Variants in KCNIP1 observed in about 807,000 individuals in gnomAD.
The protein encoded by KCNIP1 is potassium voltage-gated channel interacting protein 1, also known as A-type potassium channel modulatory protein KCNIP1.
In KCNIP1, 18 loss-of-function variants were observed where a neutral mutation model predicts 33.0. That is an observed-to-expected ratio of 0.55 (90% CI 0.38 to 0.81). The LOEUF is 0.81. Ranked by LOEUF, KCNIP1 falls within the 30% of genes least tolerant of loss-of-function variation. The pLI, the probability that KCNIP1 is intolerant of heterozygous loss-of-function variation, is 0.00. For synonymous variants in KCNIP1, 93 were observed against 98.3 expected, an observed-to-expected ratio of 0.95 and a Z score of 0.32; for missense variants, 238 against 271.6, an observed-to-expected ratio of 0.88 and a Z score of 0.87.
At chr5:170,687,535 C>T (rs925850741) in intron 1 of KCNIP1, among the ~76,000 whole-genome samples, 1 of 152,184 alleles carries the variant, frequency 6.6e-6, no homozygotes, top group East Asian at 1.9e-4. Context: ...AGCATACAGG[C>T]TTTAGACTGT....
intron 1 of KCNIP1, among the ~76,000 whole-genome samples, chr5:170,402,289 C>T (rs1175364653): frequency 6.6e-6 from 1 of 152,126 alleles, no homozygotes; most frequent in Non-Finnish European, 1.5e-5. Context: ...TGTGGGGACC[C>T]CATTCAAGTC....
chr5:170,472,050 G>A (rs527895399), intron 1 of KCNIP1, among the ~76,000 whole-genome samples: 16 of 152,184 alleles, frequency 1.1e-4, no homozygotes, highest in African/African-American at 3.4e-4. Context: ...TTCCTCTGCC[G>A]GCCCACCCCC....
At chr5:170,532,037 G>T (rs1371117518) in intron 1 of KCNIP1, among the ~76,000 whole-genome samples, 1 of 152,140 alleles carries the variant, frequency 6.6e-6, no homozygotes, top group Non-Finnish European at 1.5e-5. Flanking sequence ...TATCCATCCG[G>T]CCAACTCCTC....
chr5:170,658,575 T>G (rs1001806573), intron 1 of KCNIP1, among the ~76,000 whole-genome samples: 3 of 151,908 alleles, frequency 2.0e-5, no homozygotes, highest in Admixed American at 2.0e-4. Context: ...ATTTTGGAGG[T>G]AGAGGGAGAG....
intron 1 of KCNIP1, among the ~76,000 whole-genome samples, chr5:170,444,768 G>T (rs180940598): frequency 4.0e-4 from 61 of 151,342 alleles, no homozygotes; most frequent in Admixed American, 6.6e-4. Context: ...TACCTGAGAA[G>T]ATCTGCGGGC....
At chr5:170,731,294 C>A (rs1169706381) in intron 5 of KCNIP1, among the ~76,000 whole-genome samples, 3 of 152,138 alleles carry the variant, frequency 2.0e-5, no homozygotes, top group Non-Finnish European at 4.4e-5. Context: ...GCCAGAAATG[C>A]ATAACTTCAA....
At chr5:170,546,749 G>T (rs780881633) in intron 1 of KCNIP1, among the ~76,000 whole-genome samples, 16 of 152,016 alleles carry the variant, frequency 1.1e-4, no homozygotes, top group Non-Finnish European at 2.4e-4. Context: ...TTACCTGGAA[G>T]CAATACCTTA....
intron 1 of KCNIP1, among the ~76,000 whole-genome samples, chr5:170,409,456 C>T (rs1755122399): frequency 6.6e-6 from 1 of 152,192 alleles, no homozygotes; most frequent in South Asian, 2.1e-4. Context: ...CTTCTCCATC[C>T]CACGGCTTTG....
chr5:170,361,009 C>T (rs918130281), intron 1 of KCNIP1, among the ~76,000 whole-genome samples: 3 of 152,244 alleles, frequency 2.0e-5, no homozygotes, highest in Admixed American at 6.5e-5. Context: ...CCAGCCAGAA[C>T]GACCTGGATG....
intron 1 of KCNIP1, among the ~76,000 whole-genome samples, chr5:170,418,159 A>G (rs914549554): frequency 1.7e-4 from 26 of 152,140 alleles, no homozygotes; most frequent in African/African-American, 6.3e-4. Flanking sequence ...GGCTGGGCGC[A>G]GTGGCTCATG....
intron 1 of KCNIP1, among the ~76,000 whole-genome samples, chr5:170,513,428 T>C (rs1033941065): frequency 7.0e-6 from 1 of 143,622 alleles, no homozygotes; most frequent in Non-Finnish European, 1.5e-5. Context: ...TTTTTCTTTC[T>C]CTCTCTTTCT....
chr5:170,390,517 A>ATATATATATATATATATATATATATAT lies in KCNIP1; in HGVS notation c.88+36553_88+36554insTATATATATATATATATATATATATAT, dbSNP rs1554088941. ...GACCCCGTCTCAAAAAAAAAAAACAAATATATATATATATATATATATTTT... is the reference window on the plus strand; with the variant it reads ...GACCCCGTCTCAAAAAAAAAAAACAATATATATATATATATATATATATATATATATATATATATATATATATATTTT... On this transcript the variant is annotated intron_variant, in intron 1 of 7. Transcript: ENST00000377360. Among the ~76,000 whole-genome samples, 40 of 74,452 alleles carry ATATATATATATATATATATATATATAT rather than the reference A, an allele frequency of 5.4e-4. 2 individuals carry two copies. The highest frequency in any genetic ancestry group is 1.9e-3 in the African/African-American group (29 of 15,560). 48.8% of individuals were successfully genotyped at this position (74,452 alleles called of 152,430 possible).
At chr5:170,554,834 T>C (rs1756785453) in intron 1 of KCNIP1, among the ~76,000 whole-genome samples, 1 of 152,048 alleles carries the variant, frequency 6.6e-6, no homozygotes. Flanking sequence ...ACCCCTTTGC[T>C]CTGCACCACC....
chr5:170,424,647 CCT>C (rs1581179631), intron 1 of KCNIP1, among the ~76,000 whole-genome samples: 2 of 152,280 alleles, frequency 1.3e-5, no homozygotes, highest in East Asian at 3.9e-4. Context: ...TCGTCTCTCC[CCT>C]GTTCACTGTG....
intron 1 of KCNIP1, among the ~76,000 whole-genome samples, chr5:170,444,286 G>A (rs527684654): frequency 7.2e-5 from 11 of 152,256 alleles, no homozygotes; most frequent in Non-Finnish European, 1.3e-4. Flanking sequence ...TCTAGAGGCT[G>A]ACCCCATTCT....
intron 1 of KCNIP1, among the ~76,000 whole-genome samples, chr5:170,566,353 A>G (rs952953796): frequency 2.6e-5 from 4 of 152,164 alleles, no homozygotes; most frequent in African/African-American, 9.7e-5. Context: ...TCAGCCTCCC[A>G]AAGTGCTGGG....
chr5:170,370,945 TAA>T (rs1312434172), intron 1 of KCNIP1, among the ~76,000 whole-genome samples: 4 of 152,120 alleles, frequency 2.6e-5, no homozygotes, highest in African/African-American at 9.7e-5. Flanking sequence ...TTAACGATAG[TAA>T]AAGAGGACTC....
At chr5:170,567,227 G>A (rs1413226183) in intron 1 of KCNIP1, among the ~76,000 whole-genome samples, 1 of 152,202 alleles carries the variant, frequency 6.6e-6, no homozygotes, top group African/African-American at 2.4e-5. Context: ...AATCTCTGGT[G>A]AGCAGGGAGA....
chr5:170,688,642 C>A (rs890678042), intron 1 of KCNIP1, among the ~76,000 whole-genome samples: 1 of 152,114 alleles, frequency 6.6e-6, no homozygotes, highest in Non-Finnish European at 1.5e-5. Flanking sequence ...CCATGTCACC[C>A]CTCCAGATAA....
Sources: allele counts gnomAD v4.1 joint callset (sites outside exome capture counted in the v4.1 genomes callset), GRCh38; gene constraint gnomAD v4.1.1; transcripts MANE v1.5; gene names NCBI Gene and HGNC (gene_info 2026-07-23, HGNC 2026-07-21).